Variants in TBXA2R observed in about 807,000 individuals in gnomAD.
TBXA2R encodes the protein thromboxane A2 receptor, also known as prostanoid TP receptor.
Under a neutral mutation model 15.6 loss-of-function variants are expected in TBXA2R, and 15 were observed. That is an observed-to-expected ratio of 0.96 (90% CI 0.64 to 1.48). The LOEUF is 1.48. TBXA2R is among the 40% of genes most tolerant of loss of function. The pLI is 0.00. For missense variants in TBXA2R, 506 were observed against 491.4 expected, an observed-to-expected ratio of 1.03 and a Z score of -0.28; for synonymous variants, 280 against 241.2, an observed-to-expected ratio of 1.16 and a Z score of -1.49.
At chr19:3,597,143 T>A (rs2032619606) in intron 2 of TBXA2R, among the ~76,000 whole-genome samples, 2 of 151,506 alleles carry the variant, frequency 1.3e-5, no homozygotes. Flanking sequence ...GGTTTCTCCA[T>A]GTTGGTCAGG....
In TBXA2R at chr19:3,595,045, AC is replaced by A; in HGVS notation, c.*642del. The A allele has an allele frequency of 9.9e-7, 1 of 1,013,544 alleles. No individual in the cohort carries two copies. The highest frequency in any genetic ancestry group is 2.8e-5 in the East Asian group (1 of 35,434). 62.8% of individuals were successfully genotyped at this position (1,013,544 alleles called of 1,614,324 possible). ...CAGTGAGCCGAGATCGTGCCACTGT[AC>A]TCCAGGCTGGGCCACAGAGTGAGAC... is the stretch of plus-strand genomic sequence containing the variant. On this transcript the variant is annotated 3_prime_UTR_variant, in exon 3 of 3. Transcript: ENST00000375190.
At chr19:3,606,381 C>G (rs1599877896) in intron 1 of TBXA2R, 149 bp downstream of exon 1, 1 of 152,804 alleles carries the variant, frequency 6.5e-6, no homozygotes, top group East Asian at 1.9e-4. Flanking sequence ...ACCCGCCGGG[C>G]CACACAGGGG....
rs939097479 is a variant in TBXA2R at position 3,595,512 on chromosome 19, G to T, written c.*176C>A. 3 of 1,433,216 alleles carry T rather than the reference G, an allele frequency of 2.1e-6. No individual in the cohort carries two copies. The highest frequency in any genetic ancestry group is 2.7e-6 in the Non-Finnish European group (3 of 1,097,326). The allele number at this position is 1,433,216 out of a possible 1,614,324, so 88.8% of individuals were successfully genotyped here. ...AGGAAGGGAGAGTGCTTGGTAAAAG[G>T]ATCAGGGAGGAGTTGGGGGTCCCCG... is the stretch of plus-strand genomic sequence containing the variant. On this transcript the variant is annotated 3_prime_UTR_variant, in exon 3 of 3. Transcript: ENST00000375190.
intron 1 of TBXA2R, among the ~76,000 whole-genome samples, chr19:3,601,184 CG>C (rs1246355557): frequency 6.6e-6 from 1 of 152,054 alleles, no homozygotes. Flanking sequence ...GAGCAGCAGG[CG>C]GGGACCTGTT....
In TBXA2R at chr19:3,600,485, C is replaced by G. The variant is rs200258596; in HGVS notation, c.150G>C (p.Ala50=). The change falls in exon 2 of 3, where the codon GCG becomes GCC. Residue 50 remains alanine, a synonymous_variant. Transcript: ENST00000375190. The part of the protein sequence containing the change: ...ASNLLALSVL[A]GARQGGSHTR... ...TGTGCGAACCCCCCTGCCGCGCGCC[C>G]GCCAGCACGCTCAGGGCCAGCAGGT... 1.2e-6 allele frequency: 2 copies of G among 1,612,830 alleles called. No homozygotes were observed. The highest frequency in any genetic ancestry group is 1.7e-5 in the Admixed American group (1 of 59,988).
intron 1 of TBXA2R, among the ~76,000 whole-genome samples, chr19:3,602,892 C>G (rs917015578): frequency 6.6e-6 from 1 of 151,990 alleles, no homozygotes; most frequent in Non-Finnish European, 1.5e-5. Context: ...AAAAATTAGC[C>G]AGGCGTGGTG....
At chr19:3,602,493 T>C (rs1198000406) in intron 1 of TBXA2R, among the ~76,000 whole-genome samples, 2 of 152,096 alleles carry the variant, frequency 1.3e-5, no homozygotes, top group Non-Finnish European at 2.9e-5. Context: ...TCCCAGCACT[T>C]TGGGAAGCCA....
In TBXA2R at chr19:3,600,640, C is replaced by T. The variant is rs184230004; in HGVS notation, c.-6G>A. ...GAACTGCCGTTGGGCCACATGGCTC[C>T]GGAGCCCTGAGGGATCAGTCACCAC... On this transcript the variant is annotated 5_prime_UTR_variant, in exon 2 of 3. Coordinates refer to ENST00000375190, the MANE Select transcript of TBXA2R (RefSeq NM_001060.6). The T allele has an allele frequency of 4.3e-4, 691 of 1,611,702 alleles. 1 individual carries two copies. In the African/African-American group the frequency reaches 8.3e-3, roughly 19 times the overall value.
chr19:3,603,259 G>A (rs560596117), intron 1 of TBXA2R, among the ~76,000 whole-genome samples: 12 of 152,196 alleles, frequency 7.9e-5, no homozygotes, highest in Non-Finnish European at 1.0e-4. Flanking sequence ...CCTTGGCTAC[G>A]CTGTATCCAG....
In TBXA2R at chr19:3,600,448, A is replaced by G; in HGVS notation, c.187T>C (p.Phe63Leu). 4 of 1,613,048 alleles carry G rather than the reference A, an allele frequency of 2.5e-6. No individual in the cohort carries two copies. Among genetic ancestry groups the G allele is most frequent in the Non-Finnish European group, 3.4e-6 (4 of 1,179,682 alleles). Residue 63 changes from phenylalanine to leucine, a missense_variant, in exon 2 of 3, where the codon TTC becomes CTC. Physicochemically the swap from Phe to Leu is conservative, Grantham distance 22 (BLOSUM62 0). Transcript: ENST00000375190. ...RQGGSHTRSS[F>L]LTFLCGLVLT... ...ACGAGGCCGCAGAGGAAGGTGAGGA[A>G]GGAGGAGCGCGTGTGCGAACCCCCC...
rs372686968 is a variant in TBXA2R, at chr19:3,595,771, G to C, written c.949C>G (p.Arg317Gly). Residue 317 changes from arginine to glycine, a missense_variant, in exon 3 of 3, where the codon CGG (arginine) becomes GGG (glycine). Transcript: ENST00000375190. ...VYILFRRAVL[R>G]RLQPRLSTRP... ...GTGCTGAGGCGAGGCTGGAGACGCCGGAGCACGGCGCGGCGGAACAGGATA... is the reference window on the plus strand; with the variant it reads ...GTGCTGAGGCGAGGCTGGAGACGCCCGAGCACGGCGCGGCGGAACAGGATA... The C allele has an allele frequency of 6.2e-7, 1 of 1,609,410 alleles. No individual in the cohort carries two copies. Among genetic ancestry groups the C allele is most frequent in the Non-Finnish European group, 8.5e-7 (1 of 1,178,516 alleles).
chr19:3,596,559 T>C (rs919605026), intron 2 of TBXA2R, among the ~76,000 whole-genome samples: 6 of 151,784 alleles, frequency 4.0e-5, no homozygotes, highest in Non-Finnish European at 7.4e-5. Flanking sequence ...TTAAAATAAA[T>C]AGAAAAGTTA....
chr19:3,595,620 G>C lies in TBXA2R; in HGVS notation c.*68C>G, dbSNP rs201808148. ...CCCCAGCCCCTGAATCCTCAGAACA[G>C]GCAGATGGGCTGTCCGAGGGGCCAA... is the stretch of plus-strand genomic sequence containing the variant. On this transcript the variant is annotated 3_prime_UTR_variant, in exon 3 of 3. Transcript: ENST00000375190. The C allele has an allele frequency of 6.7e-7, 1 of 1,497,300 alleles. No individual in the cohort carries two copies. Among genetic ancestry groups the C allele is most frequent in the Non-Finnish European group, 8.9e-7 (1 of 1,118,164 alleles). 92.8% of individuals were successfully genotyped at this position (1,497,300 alleles called of 1,614,324 possible).
At chr19:3,602,436 G>A (rs968937968) in intron 1 of TBXA2R, among the ~76,000 whole-genome samples, 6 of 151,170 alleles carry the variant, frequency 4.0e-5, no homozygotes, top group African/African-American at 1.5e-4. Context: ...GGCAGTTAAG[G>A]CTCAAAAGGT....
At chr19:3,606,178 G>A (rs916505115) in intron 1 of TBXA2R, among the ~76,000 whole-genome samples, 1 of 152,090 alleles carries the variant, frequency 6.6e-6, no homozygotes, top group East Asian at 1.9e-4. Flanking sequence ...ACACACAGCC[G>A]CACAACCACA....
chr19:3,599,763 G>C, intron 2 of TBXA2R, 86 bp downstream of exon 2: 1 of 1,538,332 alleles, frequency 6.5e-7, no homozygotes, highest in South Asian at 1.2e-5. Flanking sequence ...CACCGCGCCC[G>C]GTCCCACCAT....
chr19:3,600,833 T>TTTG lies in TBXA2R; in HGVS notation c.-83-117_-83-116insCAA, dbSNP rs1555706986. 33 of 612,170 alleles carry TTTG rather than the reference T, an allele frequency of 5.4e-5. 1 individual carries two copies. Among genetic ancestry groups the TTTG allele is most frequent in the African/African-American group, 9.8e-5 (5 of 51,004 alleles). 37.9% of individuals were successfully genotyped at this position (612,170 alleles called of 1,614,324 possible). On this transcript the variant is annotated intron_variant, in intron 1 of 2. Transcript: ENST00000375190. ...GCTCAAATATCCTCTCCGGTTTTTT[T>TTTG]TTTTTTTTTTTTTGAGACAGAGTCT...
At chr19:3,600,818 C>G in intron 1 of TBXA2R, 101 bp from the exon 2 acceptor site, 1 of 610,720 alleles carries the variant, frequency 1.6e-6, no homozygotes, top group Non-Finnish European at 2.8e-6. Flanking sequence ...GCTCAAATAT[C>G]CTCTCCGGTT....
intron 1 of TBXA2R, among the ~76,000 whole-genome samples, chr19:3,603,855 TG>T (rs892966926): frequency 1.3e-5 from 2 of 151,934 alleles, no homozygotes; most frequent in African/African-American, 4.8e-5. Flanking sequence ...AGGATGCCAA[TG>T]GGGGGACCGG....
Sources: allele counts gnomAD v4.1 joint callset (sites outside exome capture counted in the v4.1 genomes callset), GRCh38; gene constraint gnomAD v4.1.1; transcripts MANE v1.5; gene names NCBI Gene and HGNC (gene_info 2026-07-23, HGNC 2026-07-21).